Variants in WWC2 observed in about 807,000 individuals in gnomAD.
WWC2 encodes WW and C2 domain containing 2, also known as protein WWC2.
Under a neutral mutation model 138.5 loss-of-function variants are expected in WWC2, and 101 were observed. The ratio of observed to expected loss-of-function variants is 0.73; its 90% CI spans 0.62 to 0.86. The LOEUF (loss-of-function observed/expected upper bound fraction) is 0.86. Ranked by LOEUF, WWC2 falls within the 40% of genes least tolerant of loss-of-function variation. The pLI, the probability that WWC2 is intolerant of heterozygous loss-of-function variation, is 0.00. For synonymous variants in WWC2, 558 were observed against 538.4 expected (o/e 1.04, Z -0.50); for missense variants, 1,420 against 1,419.4 (o/e 1.00, Z -0.01).
intron 1 of WWC2, among the ~76,000 whole-genome samples, chr4:183,101,820 T>G (rs1211209687): frequency 6.6e-6 from 1 of 152,208 alleles, no homozygotes; most frequent in Non-Finnish European, 1.5e-5. Flanking sequence ...CAACTTGATA[T>G]ACTATGGGTC....
intron 1 of WWC2, among the ~76,000 whole-genome samples, chr4:183,129,521 G>C (rs1451844716): frequency 6.6e-6 from 1 of 152,150 alleles, no homozygotes; most frequent in Non-Finnish European, 1.5e-5. Flanking sequence ...ACTACAAGAA[G>C]ACCTGCATCT....
intron 1 of WWC2, among the ~76,000 whole-genome samples, chr4:183,154,647 A>G (rs924790113): frequency 1.3e-5 from 2 of 152,218 alleles, no homozygotes; most frequent in African/African-American, 4.8e-5. Flanking sequence ...TTATCTCATT[A>G]TAAATTTTAA....
intron 14 of WWC2, among the ~76,000 whole-genome samples, chr4:183,267,750 C>T (rs530326038): frequency 1.6e-4 from 25 of 152,260 alleles, no homozygotes; most frequent in East Asian, 7.7e-4. Context: ...ATTTGCTCTT[C>T]GGCTCCCCAG....
chr4:183,300,144 G>T lies in WWC2; in HGVS notation c.3384+10509G>T, dbSNP rs576816699. Among the ~76,000 whole-genome samples, 65 of 152,146 alleles carry T rather than the reference G, an allele frequency of 4.3e-4. No homozygotes were observed. In the Middle Eastern group the frequency reaches 0.01, roughly 24 times the overall value. On this transcript the variant is annotated intron_variant, in intron 21 of 22. Transcript: ENST00000403733. ...AACACAACTATGAATAAATCACTGG[G>T]CCTCTCTGCAGGTTGGGCTCCCATC...
intron 21 of WWC2, among the ~76,000 whole-genome samples, chr4:183,301,793 T>C (rs1392352155): frequency 1.3e-5 from 2 of 152,218 alleles, no homozygotes; most frequent in East Asian, 1.9e-4. Context: ...AAGCAAAAAC[T>C]AGAAGTCCTT....
intron 1 of WWC2, among the ~76,000 whole-genome samples, chr4:183,116,415 T>C (rs1732410433): frequency 6.6e-6 from 1 of 152,210 alleles, no homozygotes; most frequent in Admixed American, 6.5e-5. Context: ...AAAGAAACTT[T>C]GATAGGTACC....
intron 4 of WWC2, among the ~76,000 whole-genome samples, chr4:183,223,757 A>T (rs563008108): frequency 1.3e-5 from 2 of 151,830 alleles, no homozygotes; most frequent in Non-Finnish European, 2.9e-5. Flanking sequence ...ACCTTGTCTT[A>T]CCCAGAAGTC....
intron 2 of WWC2, among the ~76,000 whole-genome samples, chr4:183,197,578 CT>C (rs1469314421): frequency 2.0e-5 from 3 of 152,108 alleles, no homozygotes; most frequent in African/African-American, 7.2e-5. Flanking sequence ...TCATATTCAC[CT>C]TCCAGTGGGT....
chr4:183,247,758 T>C (rs569580380), intron 6 of WWC2, among the ~76,000 whole-genome samples: 71 of 141,208 alleles, frequency 5.0e-4, no homozygotes, highest in African/African-American at 1.6e-3. Flanking sequence ...CTACATAATA[T>C]ATATATAATA....
intron 2 of WWC2, among the ~76,000 whole-genome samples, chr4:183,205,514 T>C (rs1408595648): frequency 6.6e-6 from 1 of 152,234 alleles, no homozygotes. Context: ...GTGCTTTTTA[T>C]GTTGGTAACA....
chr4:183,127,961 A>G (rs1418862739), intron 1 of WWC2, among the ~76,000 whole-genome samples: 2 of 151,828 alleles, frequency 1.3e-5, no homozygotes, highest in African/African-American at 2.4e-5. Flanking sequence ...GTACATTATA[A>G]TTATACTAAG....
Position 183,146,166 on chromosome 4 carries a change from C to A in WWC2, c.131+46544C>A, listed in dbSNP as rs367969621. On this transcript the variant is annotated intron_variant, in intron 1 of 22. Coordinates refer to ENST00000403733, the MANE Select transcript of WWC2 (RefSeq NM_024949.6). ...AGAATGGTGGTCCCAGTCCTTTCTC[C>A]CTCCAGGTCTGAGGGCTCATGCCAA... Among the ~76,000 whole-genome samples, 11 of 152,276 alleles carry A rather than the reference C, an allele frequency of 7.2e-5. No homozygotes were observed. The East Asian group carries it at 2.1e-3, about 29-fold the overall frequency.
At position 183,193,610 on chromosome 4, in the gene WWC2, C is replaced by T. The variant is rs1270639126; in HGVS notation, c.143C>T (p.Pro48Leu). 1.9e-6 allele frequency: 3 copies of T among 1,613,522 alleles called. No individual in the cohort carries two copies. Among genetic ancestry groups the T allele is most frequent in the Non-Finnish European group, 2.5e-6 (3 of 1,179,826 alleles). The stretch of plus-strand genomic sequence containing the variant: ...CTGGTTTGTTGTAGGTTAACGAAGC[C>T]CTTGTCATTTGCTGATTGTGTTGGG... ...WIDPRDRLTK[P>L]LSFADCVGDE... Residue 48 changes from proline (P) to leucine (L), a missense_variant, in exon 2 of 23, where the codon CCC becomes CTC. Coordinates refer to ENST00000403733, the MANE Select transcript of WWC2 (RefSeq NM_024949.6).
intron 1 of WWC2, among the ~76,000 whole-genome samples, chr4:183,101,470 A>G (rs1283596720): frequency 6.6e-6 from 1 of 152,186 alleles, no homozygotes; most frequent in Non-Finnish European, 1.5e-5. Context: ...TTATTTTTCC[A>G]ATTTTCCTTG....
chr4:183,215,635 A>T (rs1414769967), intron 4 of WWC2, among the ~76,000 whole-genome samples: 3 of 152,166 alleles, frequency 2.0e-5, no homozygotes, highest in Non-Finnish European at 4.4e-5. Flanking sequence ...TTGATTTTAT[A>T]ATGTTTTATT....
chr4:183,265,910 C>T lies in WWC2; in HGVS notation c.2166C>T (p.Leu722=), dbSNP rs746058344. The T allele has an allele frequency of 7.6e-5, 122 of 1,613,286 alleles. No individual in the cohort carries two copies. The highest frequency in any genetic ancestry group is 9.9e-5 in the Non-Finnish European group (117 of 1,179,690). Residue 722 remains leucine (L), a synonymous_variant, in exon 14 of 23, where the codon CTC becomes CTT. Coordinates refer to ENST00000403733, the MANE Select transcript of WWC2 (RefSeq NM_024949.6). ...GTTTCATGGTGATTATAGCACAGCT[C>T]CGAAACCTTCATGCCTTCTTGATAC... The part of the protein sequence containing the change: ...SSSFMVIIAQ[L]RNLHAFLIPH...
intron 1 of WWC2, among the ~76,000 whole-genome samples, chr4:183,149,286 G>A (rs1253086182): frequency 6.6e-6 from 1 of 151,998 alleles, no homozygotes; most frequent in Non-Finnish European, 1.5e-5. Context: ...TACATGCTTG[G>A]GTGACAAAAT....
chr4:183,156,209 A>G (rs1452322559), intron 1 of WWC2, among the ~76,000 whole-genome samples: 2 of 152,028 alleles, frequency 1.3e-5, no homozygotes, highest in East Asian at 3.9e-4. Flanking sequence ...TATTTTTAGT[A>G]GAGATGGGGT....
intron 1 of WWC2, among the ~76,000 whole-genome samples, chr4:183,148,081 T>C (rs1733516442): frequency 6.6e-6 from 1 of 152,228 alleles, no homozygotes; most frequent in African/African-American, 2.4e-5. Context: ...TACTCTGCTT[T>C]ACCTCCCGAG....
Sources: gnomAD v4.1 joint callset for allele counts (sites outside exome capture counted in the v4.1 genomes callset) on GRCh38, gnomAD v4.1.1 for gene constraint, MANE v1.5 for transcripts, NCBI Gene and HGNC (gene_info 2026-07-23, HGNC 2026-07-21) for gene names.